The following DCHS2 variants were observed in gnomAD, a reference collection of about 807,000 sequenced individuals.
DCHS2 encodes the protein dachsous cadherin-related 2, also known as protocadherin-23.
A neutral mutation model predicts 182.4 loss-of-function variants in DCHS2; 142 were observed. The ratio of observed to expected loss-of-function variants is 0.78; its 90% CI spans 0.68 to 0.89. DCHS2 has a LOEUF of 0.89. DCHS2 is among the 40% of genes least tolerant of loss of function. The probability of loss-of-function intolerance (pLI) is 0.00; values close to 1 mark genes in which losing one functional copy is unlikely to be tolerated. For missense variants in DCHS2, 4,319 were observed against 4,198.6 expected, an observed-to-expected ratio of 1.03 and a Z score of -0.79; for synonymous variants, 1,740 against 1,663.3, an observed-to-expected ratio of 1.05 and a Z score of -1.12.
At chr4:154,305,006 C>T (rs1735386551) in intron 11 of DCHS2, 91 bp downstream of exon 11, 5 of 1,503,896 alleles carry the variant, frequency 3.3e-6, no homozygotes. Context: ...TAAAAACACC[C>T]CAACAAAATA....
At chr4:154,351,296 G>A (rs528733663) in intron 3 of DCHS2, among the ~76,000 whole-genome samples, 171 of 152,346 alleles carry the variant, frequency 1.1e-3, no homozygotes, top group Non-Finnish European at 2.0e-3. Context: ...GGAGTGTAAA[G>A]AGGAGTTGTG....
At chr4:154,297,760 A>G (rs1322048368) in intron 13 of DCHS2, 91 bp downstream of exon 13, 1 of 1,511,954 alleles carries the variant, frequency 6.6e-7, no homozygotes, top group East Asian at 2.3e-5. Flanking sequence ...GTATAACTGA[A>G]TGCGCAATGG....
chr4:154,388,669 T>C (rs1731530479), intron 1 of DCHS2, among the ~76,000 whole-genome samples: 1 of 151,950 alleles, frequency 6.6e-6, no homozygotes, highest in South Asian at 2.1e-4. Context: ...TAATTTTTTT[T>C]ATTTTTAGTA....
intron 4 of DCHS2, chr4:154,334,563 A>C (rs969243040): frequency 2.8e-5 from 7 of 251,546 alleles, no homozygotes; most frequent in South Asian, 8.0e-5. Flanking sequence ...AAAATTTGTA[A>C]ATTGTGTGTA....
At chr4:154,243,461 CT>C (rs1177769310) in intron 16 of DCHS2, among the ~76,000 whole-genome samples, 1 of 152,184 alleles carries the variant, frequency 6.6e-6, no homozygotes, top group African/African-American at 2.4e-5. Flanking sequence ...CTCCCTTTCT[CT>C]CACCACCCTT....
At chr4:154,414,904 C>T (rs115798952) in intron 1 of DCHS2, among the ~76,000 whole-genome samples, 2,925 of 152,210 alleles carry the variant, frequency 0.019, 99 homozygotes, top group African/African-American at 0.067. Flanking sequence ...GGCAGTCATG[C>T]CATTGGGGAA....
At chr4:154,437,114 G>C (rs1733811999) in intron 1 of DCHS2, among the ~76,000 whole-genome samples, 1 of 152,074 alleles carries the variant, frequency 6.6e-6, no homozygotes, top group East Asian at 1.9e-4. Flanking sequence ...CTCCTTTTCA[G>C]TTTAGCCCCT....
intron 15 of DCHS2, among the ~76,000 whole-genome samples, chr4:154,256,803 C>T (rs1732698715): frequency 1.3e-5 from 2 of 152,078 alleles, no homozygotes; most frequent in African/African-American, 2.4e-5. Flanking sequence ...TCAATTTATC[C>T]TTCACTTTGC....
At position 154,236,163 on chromosome 4, in the gene DCHS2, A is replaced by G. The variant is rs750308600; in HGVS notation, c.8489T>C (p.Leu2830Ser). The G allele has an allele frequency of 3.6e-5, 58 of 1,613,698 alleles. No individual in the cohort carries two copies. The highest frequency in any genetic ancestry group is 4.7e-5 in the Non-Finnish European group (56 of 1,179,952). The change falls in exon 20 of 20, where the codon TTG becomes TCG. Residue 2830 changes from leucine to serine, a missense_variant. By Grantham distance (145) the Leu-to-Ser change is moderately radical. Transcript: ENST00000357232. ...YDHDLFLIDP[L>S]TGDIHAKQIL... ...TTGCTTAGCATGAATATCCCCTGTCAAAGGGTCAATGAGGAAGAGATCATG... is the reference window on the plus strand; with the variant it reads ...TTGCTTAGCATGAATATCCCCTGTCGAAGGGTCAATGAGGAAGAGATCATG...
intron 12 of DCHS2, among the ~76,000 whole-genome samples, chr4:154,303,515 A>G (rs1490739115): frequency 6.8e-6 from 1 of 147,554 alleles, no homozygotes. Context: ...GCTGAAGATC[A>G]CTGGCAGAGA....
chr4:154,327,294 G>A (rs1453373576), intron 7 of DCHS2, among the ~76,000 whole-genome samples: 1 of 152,070 alleles, frequency 6.6e-6, no homozygotes, highest in Non-Finnish European at 1.5e-5. Flanking sequence ...CATTTTCTTT[G>A]TGAATTCACC....
intron 1 of DCHS2, among the ~76,000 whole-genome samples, chr4:154,461,556 A>C (rs1043783410): frequency 5.3e-5 from 8 of 152,216 alleles, no homozygotes; most frequent in African/African-American, 1.7e-4. Flanking sequence ...ATAAAATGGA[A>C]AAGATTGTGA....
chr4:154,411,996 C>T (rs1732651605), intron 1 of DCHS2, among the ~76,000 whole-genome samples: 1 of 152,076 alleles, frequency 6.6e-6, no homozygotes, highest in African/African-American at 2.4e-5. Flanking sequence ...GGTTTACTTT[C>T]AGAGGAATAG....
In DCHS2 at chr4:154,491,524, G is replaced by T; in HGVS notation, c.-169C>A. The T allele has an allele frequency of 2.9e-6, 4 of 1,399,136 alleles. No individual in the cohort carries two copies. Among genetic ancestry groups the T allele is most frequent in the Non-Finnish European group, 3.7e-6 (4 of 1,083,048 alleles). The allele number at this position is 1,399,136 out of a possible 1,614,324, so 86.7% of individuals were successfully genotyped here. ...GAGGTTACATCTGCAACTGGTGAAAGCGTCCTCTGCCTGCAGCTCACGCAG... is the reference window on the plus strand; with the variant it reads ...GAGGTTACATCTGCAACTGGTGAAATCGTCCTCTGCCTGCAGCTCACGCAG... On this transcript the variant is annotated 5_prime_UTR_variant, in exon 1 of 20. Coordinates refer to ENST00000357232, the MANE Select transcript of DCHS2 (RefSeq NM_001358235.2).
At chr4:154,259,177 T>C (rs1578871228) in intron 15 of DCHS2, among the ~76,000 whole-genome samples, 1 of 152,258 alleles carries the variant, frequency 6.6e-6, no homozygotes, top group Admixed American at 6.5e-5. Flanking sequence ...ATCCTTATTC[T>C]ATGAAGTCTT....
chr4:154,292,872 C>T (rs1469623412), intron 13 of DCHS2, among the ~76,000 whole-genome samples: 2 of 152,162 alleles, frequency 1.3e-5, no homozygotes, highest in Non-Finnish European at 2.9e-5. Flanking sequence ...TTTTCCATCT[C>T]TATCTTACCT....
chr4:154,487,577 T>C (rs1728630189), intron 1 of DCHS2, among the ~76,000 whole-genome samples: 2 of 152,240 alleles, frequency 1.3e-5, no homozygotes, highest in African/African-American at 4.8e-5. Context: ...ATGGAGATTA[T>C]TATCACCCAT....
Position 154,235,437 on chromosome 4 carries a change from A to T in DCHS2, c.9215T>A (p.Leu3072Ter). Residue 3072 changes from leucine (L) to a stop codon, truncating the protein, a stop_gained, in exon 20 of 20, where the codon TTG (leucine) becomes TAG (stop). Transcript: ENST00000357232. LOFTEE classifies it low-confidence loss of function (END_TRUNC). ...CTTCTCCATGATACTTATTAAACTC[A>T]ACCATTCCGGAGTGGCATCCACAGG... ...VVPVDATPEW[L>*]SLISIMEKDI... The T allele has an allele frequency of 6.2e-7, 1 of 1,614,104 alleles. No individual in the cohort carries two copies. Among genetic ancestry groups the T allele is most frequent in the East Asian group, 2.2e-5 (1 of 44,884 alleles).
chr4:154,248,525 A>T (rs942829328), intron 16 of DCHS2, among the ~76,000 whole-genome samples: 1 of 152,176 alleles, frequency 6.6e-6, no homozygotes, highest in African/African-American at 2.4e-5. Flanking sequence ...AAAAATGTAT[A>T]TATTACTTTG....
Sources: allele counts gnomAD v4.1 joint callset (sites outside exome capture counted in the v4.1 genomes callset), GRCh38; gene constraint gnomAD v4.1.1; transcripts MANE v1.5; gene names NCBI Gene and HGNC (gene_info 2026-07-23, HGNC 2026-07-21).